The following XPO6 variants were observed in gnomAD, a reference collection of about 807,000 sequenced individuals.
XPO6 encodes the protein exportin-6.
In XPO6, 3 loss-of-function variants were observed where a neutral mutation model predicts 130.0. That is an observed-to-expected ratio of 0.02 (90% CI 0.01 to 0.06). The LOEUF is 0.06. Ranked by LOEUF, XPO6 falls within the 10% of genes least tolerant of loss-of-function variation. XPO6 has a pLI of 1.00. For synonymous variants in XPO6, 524 were observed against 548.9 expected, an observed-to-expected ratio of 0.95 and a Z score of 0.63; for missense variants, 970 against 1,393.0, an observed-to-expected ratio of 0.70 and a Z score of 4.83.
intron 17 of XPO6, among the ~76,000 whole-genome samples, chr16:28,108,218 T>A (rs753538917): frequency 5.9e-5 from 9 of 152,164 alleles, no homozygotes; most frequent in Non-Finnish European, 1.2e-4. Context: ...GCCTGATCCA[T>A]CTTTGGCCTA....
rs1162253886 is a variant in XPO6, at chr16:28,211,751, C to T, written c.-383G>A. 2.7e-5 allele frequency: 9 copies of T among 338,832 alleles called. No individual in the cohort carries two copies. Among genetic ancestry groups the T allele is most frequent in the Non-Finnish European group, 3.7e-5 (7 of 187,948 alleles). The allele number at this position is 338,832 out of a possible 1,614,324, so 21.0% of individuals were successfully genotyped here. On this transcript the variant is annotated 5_prime_UTR_variant, in exon 1 of 24. Transcript: ENST00000304658. ...GGGCAGAGGTGGCGGCGGCCCCGGC[C>T]CCGAGGCTGAACGGGCGGAGGCTGA... is the stretch of plus-strand genomic sequence containing the variant.
intron 4 of XPO6, among the ~76,000 whole-genome samples, chr16:28,170,334 A>C (rs2043429704): frequency 6.8e-6 from 1 of 147,572 alleles, no homozygotes; most frequent in Non-Finnish European, 1.5e-5. Context: ...CTCTGTCTCA[A>C]AAAAAAAAAA....
At chr16:28,117,643 A>G (rs560512242) in intron 14 of XPO6, among the ~76,000 whole-genome samples, 181 bp from the exon 15 acceptor site, 1 of 152,364 alleles carries the variant, frequency 6.6e-6, no homozygotes, top group African/African-American at 2.4e-5. Context: ...TTCATCATCT[A>G]AACATTGCCA....
chr16:28,113,376 G>T (rs902830596), intron 15 of XPO6, among the ~76,000 whole-genome samples: 1 of 152,090 alleles, frequency 6.6e-6, no homozygotes, highest in Non-Finnish European at 1.5e-5. Context: ...ATGTCATCCA[G>T]GTCCTAGAAT....
At chr16:28,107,377 G>T in intron 18 of XPO6, 145 bp downstream of exon 18, 1 of 972,682 alleles carries the variant, frequency 1.0e-6, no homozygotes, top group Non-Finnish European at 1.5e-6. Context: ...AAACATCACT[G>T]CCCTTTCCCC....
At chr16:28,204,005 T>C (rs2043988965) in intron 1 of XPO6, among the ~76,000 whole-genome samples, 1 of 152,128 alleles carries the variant, frequency 6.6e-6, no homozygotes, top group Non-Finnish European at 1.5e-5. Flanking sequence ...AACTACTTCT[T>C]CACATCCTTC....
Position 28,098,291 on chromosome 16 carries a change from A to AC in XPO6, c.*246dup. On this transcript the variant is annotated 3_prime_UTR_variant, in exon 24 of 24. Coordinates refer to ENST00000304658, the MANE Select transcript of XPO6 (RefSeq NM_015171.4). ...GCGGGATTTCCTGGTGCCTCCTAGT[A>AC]CCTGGCCACACACCCCTCCGCCTGC... is the stretch of plus-strand genomic sequence containing the variant. 1 of 430,878 alleles carries AC rather than the reference A, an allele frequency of 2.3e-6. No homozygotes were observed. 26.7% of individuals were successfully genotyped at this position (430,878 alleles called of 1,614,324 possible).
intron 17 of XPO6, among the ~76,000 whole-genome samples, chr16:28,108,236 C>T (rs11863752): frequency 0.92 from 140,637 of 152,250 alleles, 65,907 homozygotes; most frequent in Non-Finnish European, 1. Context: ...CTATTAGCCC[C>T]GTAGCTTGAT....
chr16:28,120,311 T>C (rs1465551320), intron 14 of XPO6, among the ~76,000 whole-genome samples: 1 of 152,226 alleles, frequency 6.6e-6, no homozygotes, highest in Non-Finnish European at 1.5e-5. Context: ...CCATTTTCTA[T>C]AGGTTTGAAC....
intron 12 of XPO6, among the ~76,000 whole-genome samples, chr16:28,130,813 T>C (rs546379427): frequency 1.7e-4 from 26 of 152,284 alleles, no homozygotes; most frequent in African/African-American, 6.3e-4. Flanking sequence ...GTCCCAGAAA[T>C]AGAGTTTCAG....
At chr16:28,136,472 G>A (rs1451188791) in intron 9 of XPO6, among the ~76,000 whole-genome samples, 2 of 152,066 alleles carry the variant, frequency 1.3e-5, no homozygotes, top group Non-Finnish European at 2.9e-5. Context: ...CACCTGCCTC[G>A]ACCTCCCAAA....
chr16:28,209,368 G>A (rs1043710441), intron 1 of XPO6, among the ~76,000 whole-genome samples: 1 of 152,046 alleles, frequency 6.6e-6, no homozygotes, highest in African/African-American at 2.4e-5. Context: ...GGCCGGGCGC[G>A]ATGGCTCATG....
At chr16:28,164,533 CCA>C (rs1217404814) in intron 6 of XPO6, among the ~76,000 whole-genome samples, 2 of 152,126 alleles carry the variant, frequency 1.3e-5, no homozygotes, top group Non-Finnish European at 2.9e-5. Context: ...CTAAGTGCCC[CCA>C]CAGTCTCAAT....
At chr16:28,165,431 T>C (rs1467597280) in intron 6 of XPO6, 1 of 152,222 alleles carries the variant, frequency 6.6e-6, no homozygotes, top group Non-Finnish European at 1.5e-5. Flanking sequence ...AAGTTCCATT[T>C]CCTATGAGCT....
At chr16:28,203,960 A>C (rs1361981968) in intron 1 of XPO6, among the ~76,000 whole-genome samples, 2 of 152,168 alleles carry the variant, frequency 1.3e-5, no homozygotes, top group Non-Finnish European at 2.9e-5. Context: ...ACCCTCCATC[A>C]TCTAGCCACA....
chr16:28,105,931 C>T, intron 20 of XPO6, 112 bp downstream of exon 20: 1 of 1,470,810 alleles, frequency 6.8e-7, no homozygotes, highest in Non-Finnish European at 9.2e-7. Context: ...ACTTTACAAG[C>T]ATATTAAACT....
intron 8 of XPO6, among the ~76,000 whole-genome samples, chr16:28,150,036 C>T (rs1053749461): frequency 2.0e-5 from 3 of 152,318 alleles, no homozygotes; most frequent in South Asian, 2.1e-4. Context: ...CTAGAGTGCA[C>T]CTTGCCACCT....
chr16:28,209,640 C>CAAAA (rs200663753), intron 1 of XPO6, among the ~76,000 whole-genome samples: 1 of 43,018 alleles, frequency 2.3e-5, no homozygotes, highest in African/African-American at 7.8e-5. Context: ...AACTCCATCT[C>CAAAA]AAAAAAAAAA....
intron 17 of XPO6, among the ~76,000 whole-genome samples, chr16:28,109,530 T>C (rs573190073): frequency 3.3e-5 from 5 of 152,046 alleles, no homozygotes; most frequent in South Asian, 4.2e-4. Flanking sequence ...ACAGAAGCAA[T>C]GCAAGAGGAA....
Sources: gnomAD v4.1 joint callset for allele counts (sites outside exome capture counted in the v4.1 genomes callset) on GRCh38, gnomAD v4.1.1 for gene constraint, MANE v1.5 for transcripts, NCBI Gene and HGNC (gene_info 2026-07-23, HGNC 2026-07-21) for gene names.